MCTP1: variants seen among roughly 807,000 people sequenced by gnomAD.
MCTP1 encodes multiple C2 and transmembrane domain-containing protein 1.
Under a neutral mutation model 120.6 loss-of-function variants are expected in MCTP1, and 69 were observed. The observed-to-expected ratio is 0.57, with a 90% CI of 0.47 to 0.70. MCTP1 has a LOEUF of 0.70. MCTP1 is among the 30% of genes least tolerant of loss of function. The pLI is 0.00. For synonymous variants in MCTP1, 529 were observed against 493.1 expected, an observed-to-expected ratio of 1.07 and a Z score of -0.96; for missense variants, 1,203 against 1,248.8, an observed-to-expected ratio of 0.96 and a Z score of 0.55.
At chr5:95,179,346 A>G (rs192706710) in intron 1 of MCTP1, among the ~76,000 whole-genome samples, 109 of 152,362 alleles carry the variant, frequency 7.2e-4, no homozygotes, top group African/African-American at 2.6e-3. Context: ...CAGGAAATTC[A>G]TTACAAAAAG....
At chr5:94,937,097 T>C (rs958026469) in intron 5 of MCTP1, among the ~76,000 whole-genome samples, 2 of 152,232 alleles carry the variant, frequency 1.3e-5, no homozygotes, top group Non-Finnish European at 2.9e-5. Flanking sequence ...ACTTGATCAC[T>C]GTGCCTTTTC....
chr5:95,257,495 C>T (rs466024), intron 1 of MCTP1, among the ~76,000 whole-genome samples: 130,133 of 152,100 alleles, frequency 0.86, 55,878 homozygotes, highest in African/African-American at 0.93. Flanking sequence ...TTTTTTTAAT[C>T]TTTCAATGAA....
intron 1 of MCTP1, among the ~76,000 whole-genome samples, chr5:95,241,285 C>CT (rs988886473): frequency 5.3e-5 from 8 of 152,154 alleles, no homozygotes; most frequent in Non-Finnish European, 4.4e-5. Flanking sequence ...AAGTCAAGAT[C>CT]TTTCTCACAT....
chr5:94,761,642 GA>G (rs1175507772), intron 19 of MCTP1, among the ~76,000 whole-genome samples: 1 of 152,160 alleles, frequency 6.6e-6, no homozygotes, highest in Non-Finnish European at 1.5e-5. Flanking sequence ...ACATCTATTA[GA>G]AGCTTTTGGT....
intron 22 of MCTP1, 90 bp from the exon 23 acceptor site, chr5:94,707,657 G>T: frequency 1.1e-6 from 1 of 913,956 alleles, no homozygotes; most frequent in Non-Finnish European, 1.8e-6. Flanking sequence ...CGGTGCTTGG[G>T]GGAAGAAAGT....
intron 17 of MCTP1, chr5:94,867,839 T>G (rs1797110232): frequency 6.3e-6 from 1 of 158,988 alleles, no homozygotes; most frequent in Admixed American, 6.3e-5. Flanking sequence ...TAATAAAACA[T>G]CTCTTAAATA....
At chr5:94,849,927 T>C (rs919314108) in intron 17 of MCTP1, among the ~76,000 whole-genome samples, 2 of 152,154 alleles carry the variant, frequency 1.3e-5, no homozygotes, top group Non-Finnish European at 2.9e-5. Flanking sequence ...ACAAAAACAA[T>C]GCTGGTCCTT....
At chr5:95,048,751 G>A (rs1178019197) in intron 1 of MCTP1, among the ~76,000 whole-genome samples, 1 of 152,132 alleles carries the variant, frequency 6.6e-6, no homozygotes, top group Non-Finnish European at 1.5e-5. Context: ...AAACAAGTTA[G>A]AATAACTAAT....
At chr5:95,117,706 A>T (rs1757922233) in intron 1 of MCTP1, among the ~76,000 whole-genome samples, 1 of 152,242 alleles carries the variant, frequency 6.6e-6, no homozygotes, top group Non-Finnish European at 1.5e-5. Context: ...ATAAAGATAC[A>T]TGTACACATA....
intron 19 of MCTP1, among the ~76,000 whole-genome samples, chr5:94,752,533 A>C (rs1026342857): frequency 6.6e-6 from 1 of 152,060 alleles, no homozygotes; most frequent in East Asian, 1.9e-4. Flanking sequence ...AACAATTCCT[A>C]GGTTCCACCT....
At chr5:95,235,488 G>T (rs183455002) in intron 1 of MCTP1, among the ~76,000 whole-genome samples, 186 of 151,288 alleles carry the variant, frequency 1.2e-3, no homozygotes, top group East Asian at 8.4e-3. Context: ...GAAATAAAAG[G>T]CCTCTAGATT....
rs1213174196 is a variant in MCTP1 at position 94,704,026 on chromosome 5, G to GA, written c.*3469dup. 6.6e-6 allele frequency: 1 copy of GA among 150,644 alleles called. No homozygotes were observed. Among genetic ancestry groups the GA allele is most frequent in the Non-Finnish European group, 1.5e-5 (1 of 67,466 alleles). 9.3% of individuals were successfully genotyped at this position (150,644 alleles called of 1,614,324 possible). A position where few individuals can be genotyped will look rare whatever the true frequency, so the allele number is the denominator to read the frequency against. Reference sequence around the variant, plus strand: ...AAAAAATGTTTTGTTTTCTTTCAGTGAGTTACACCAATCATCCCAGGAAAA... The same window carrying GA: ...AAAAAATGTTTTGTTTTCTTTCAGTGAAGTTACACCAATCATCCCAGGAAAA... On this transcript the variant is annotated 3_prime_UTR_variant, in exon 23 of 23. Coordinates refer to ENST00000515393, the MANE Select transcript of MCTP1 (RefSeq NM_024717.7).
At chr5:95,155,465 T>C (rs942890202) in intron 1 of MCTP1, among the ~76,000 whole-genome samples, 1 of 152,188 alleles carries the variant, frequency 6.6e-6, no homozygotes, top group African/African-American at 2.4e-5. Flanking sequence ...ATGATTGTTT[T>C]GCTTTATAAT....
chr5:94,740,642 G>A (rs1342747652), intron 19 of MCTP1, among the ~76,000 whole-genome samples: 1 of 152,166 alleles, frequency 6.6e-6, no homozygotes, highest in African/African-American at 2.4e-5. Context: ...CAATTTGTAT[G>A]CAAAGTACGT....
chr5:95,174,392 T>C (rs1233080348), intron 1 of MCTP1, among the ~76,000 whole-genome samples: 1 of 152,120 alleles, frequency 6.6e-6, no homozygotes, highest in Non-Finnish European at 1.5e-5. Context: ...ACTAGCCATA[T>C]GCAAAGAATG....
chr5:95,037,497 C>T (rs1002741466), intron 1 of MCTP1, among the ~76,000 whole-genome samples: 3 of 152,102 alleles, frequency 2.0e-5, no homozygotes, highest in Non-Finnish European at 4.4e-5. Context: ...TATTTTCTTC[C>T]TACTTTTTAG....
chr5:94,774,865 T>G (rs1047646437), intron 19 of MCTP1, among the ~76,000 whole-genome samples: 16 of 152,216 alleles, frequency 1.1e-4, no homozygotes, highest in African/African-American at 3.9e-4. Context: ...GTGCAGTTAT[T>G]TCATTGAATA....
At chr5:95,207,966 A>G (rs78435789) in intron 1 of MCTP1, among the ~76,000 whole-genome samples, 1 of 94,504 alleles carries the variant, frequency 1.1e-5, no homozygotes, top group African/African-American at 3.4e-5. Flanking sequence ...AGGGAGAGAG[A>G]GGGAGAGAGA....
rs547142267 is a variant in MCTP1 at position 94,749,532 on chromosome 5, G to A, written c.2610+29578C>T. Among the ~76,000 whole-genome samples, 3 of 152,044 alleles carry A rather than the reference G, an allele frequency of 2.0e-5. No individual in the cohort carries two copies. The South Asian group carries it at 6.2e-4, about 32-fold the overall frequency. On this transcript the variant is annotated intron_variant, in intron 19 of 22. Coordinates refer to ENST00000515393, the MANE Select transcript of MCTP1 (RefSeq NM_024717.7). Reference sequence around the variant, plus strand: ...TAGCCGGGCATGCTGGCATGTGCCTGTAATCCCAGCTGCTCAGGAGGCTGA... The same window carrying A: ...TAGCCGGGCATGCTGGCATGTGCCTATAATCCCAGCTGCTCAGGAGGCTGA...
Sources: gnomAD v4.1 joint callset for allele counts (sites outside exome capture counted in the v4.1 genomes callset) on GRCh38, gnomAD v4.1.1 for gene constraint, MANE v1.5 for transcripts, NCBI Gene and HGNC (gene_info 2026-07-23, HGNC 2026-07-21) for gene names.